GARNL3: variants seen among roughly 807,000 people sequenced by gnomAD.
GARNL3 encodes the protein GTPase-activating Rap/Ran-GAP domain-like protein 3.
GARNL3 carries 63 observed loss-of-function variants against 125.0 expected under a neutral mutation model. That is an observed-to-expected ratio of 0.50 (90% CI 0.41 to 0.62). The LOEUF (loss-of-function observed/expected upper bound fraction) is 0.62, where lower values mean the gene tolerates loss of function less well. Among genes scored for constraint, GARNL3 ranks in the 20% least tolerant of loss-of-function variants. The probability of loss-of-function intolerance (pLI) is 0.00; values close to 1 mark genes in which losing one functional copy is unlikely to be tolerated. For synonymous variants in GARNL3, 439 were observed against 457.5 expected (o/e 0.96, Z 0.52); for missense variants, 994 against 1,244.0 (o/e 0.80, Z 3.02).
In GARNL3 at chr9:127,333,092, C is replaced by T. The variant is rs768627583; in HGVS notation, c.740C>T (p.Thr247Met). 54 of 1,613,828 alleles carry T rather than the reference C, an allele frequency of 3.3e-5. No individual in the cohort carries two copies. The highest frequency in any genetic ancestry group is 4.1e-5 in the Non-Finnish European group (48 of 1,179,848). ...LGDTITLKGW[T>M]GYRGGLDTKN... ...GACACAATCACTCTAAAGGGCTGGA[C>T]GGGCTACCGTGGCGGTCTGGATACC... Residue 247 changes from threonine (T) to methionine (M), a missense_variant, in exon 9 of 28, where the codon ACG (threonine) becomes ATG (methionine). Physicochemically the swap from Thr to Met is moderately conservative, Grantham distance 81 (BLOSUM62 -1). Around this residue, in one of 5 missense-constraint regions of GARNL3, gnomAD observed 71 missense variants for 66.2 expected, o/e 1.07. Coordinates refer to ENST00000373387, the MANE Select transcript of GARNL3 (RefSeq NM_032293.5).
chr9:127,237,612 A>C (rs1009390587), intron 1 of GARNL3, among the ~76,000 whole-genome samples: 7 of 152,350 alleles, frequency 4.6e-5, no homozygotes, highest in Admixed American at 1.3e-4. Flanking sequence ...ATTGATGGAA[A>C]GTTGGTCACA....
chr9:127,293,565 A>T (rs115302502), intron 2 of GARNL3, among the ~76,000 whole-genome samples: 2,672 of 151,740 alleles, frequency 0.018, 73 homozygotes, highest in African/African-American at 0.059. Flanking sequence ...CACTTTTTAT[A>T]GTTTACTGTT....
chr9:127,342,300 C>T lies in GARNL3; in HGVS notation c.1217C>T (p.Ser406Phe). The change falls in exon 14 of 28, where the codon TCT (serine) becomes TTT (phenylalanine). Residue 406 changes from serine to phenylalanine, a missense_variant. Ser to Phe is a radical substitution (Grantham distance 155). Coordinates refer to ENST00000373387, the MANE Select transcript of GARNL3 (RefSeq NM_032293.5). The part of the protein sequence containing the change: ...RRRTLDMLIR[S>F]LHQDLMPDLH... ...CGTACCCTGGATATGTTGATTAGAT[C>T]TTTACACCAGGATTTGATGCCAGAT... 6.2e-7 allele frequency: 1 copy of T among 1,613,396 alleles called. No individual in the cohort carries two copies. The highest frequency in any genetic ancestry group is 8.5e-7 in the Non-Finnish European group (1 of 1,179,338).
At chr9:127,354,146 G>T in intron 18 of GARNL3, 148 bp from the exon 19 acceptor site, 1 of 686,656 alleles carries the variant, frequency 1.5e-6, no homozygotes, top group Non-Finnish European at 2.5e-6. Flanking sequence ...ATACGTAATT[G>T]CATTGTCAGG....
chr9:127,330,200 G>A (rs1377111598), intron 7 of GARNL3, among the ~76,000 whole-genome samples: 1 of 152,216 alleles, frequency 6.6e-6, no homozygotes, highest in Non-Finnish European at 1.5e-5. Flanking sequence ...TGTAGTTCCT[G>A]CACTATTATT....
intron 2 of GARNL3, among the ~76,000 whole-genome samples, chr9:127,248,028 G>A (rs1359713014): frequency 1.3e-5 from 2 of 152,148 alleles, no homozygotes; most frequent in African/African-American, 4.8e-5. Flanking sequence ...GAAAACATGT[G>A]AAGTTTGTAT....
chr9:127,309,092 GC>G (rs1257182123), intron 2 of GARNL3, among the ~76,000 whole-genome samples: 4 of 152,012 alleles, frequency 2.6e-5, no homozygotes, highest in Non-Finnish European at 5.9e-5. Flanking sequence ...TCTGATAAAA[GC>G]AAAATAATAC....
chr9:127,319,288 GC>G (rs1488466340), intron 5 of GARNL3, among the ~76,000 whole-genome samples: 1 of 152,076 alleles, frequency 6.6e-6, no homozygotes, highest in African/African-American at 2.4e-5. Flanking sequence ...TTCGAGACCA[GC>G]CTGGCCAATA....
upstream of GARNL3, among the ~76,000 whole-genome samples, chr9:127,260,719 G>A (rs763716195): frequency 6.6e-6 from 1 of 152,138 alleles, no homozygotes; most frequent in Non-Finnish European, 1.5e-5. Flanking sequence ...AAAAACAAGC[G>A]CTGGGCTGAA....
chr9:127,333,030 A>G lies in GARNL3; in HGVS notation c.678A>G (p.Gly226=), dbSNP rs758904713. 8.1e-6 allele frequency: 13 copies of G among 1,612,572 alleles called. No homozygotes were observed. In the South Asian group the frequency reaches 1.3e-4, roughly 16 times the overall value. The part of the protein sequence containing the change: ...TDDEMFSNEI[G]SEPFQKFLNL... ...CTCTACTTCTTCCTGCAGAAATTGG[A>G]AGCGAGCCTTTTCAAAAATTTTTAA... The change falls in exon 9 of 28, where the codon GGA becomes GGG. Residue 226 remains glycine, a synonymous_variant. Transcript: ENST00000373387.
chr9:127,360,545 A>G (rs1241233143), intron 21 of GARNL3, among the ~76,000 whole-genome samples: 1 of 152,152 alleles, frequency 6.6e-6, no homozygotes, highest in Non-Finnish European at 1.5e-5. Context: ...GAAAAAGATA[A>G]TGAGCTGTAT....
intron 7 of GARNL3, among the ~76,000 whole-genome samples, chr9:127,330,708 G>T (rs1001258627): frequency 6.9e-6 from 1 of 144,556 alleles, no homozygotes; most frequent in Non-Finnish European, 1.5e-5. Flanking sequence ...TTTATATGGG[G>T]AGATCAGGAA....
chr9:127,328,574 A>G (rs1177098832), intron 7 of GARNL3, among the ~76,000 whole-genome samples: 2 of 152,178 alleles, frequency 1.3e-5, no homozygotes, highest in African/African-American at 2.4e-5. Context: ...TGTACTACAC[A>G]TGGAGAGAGG....
intron 4 of GARNL3, among the ~76,000 whole-genome samples, chr9:127,315,425 G>T (rs938174950): frequency 6.6e-6 from 1 of 152,040 alleles, no homozygotes; most frequent in African/African-American, 2.4e-5. Context: ...GCACTTGAGC[G>T]CAGGAGTTCA....
intron 21 of GARNL3, chr9:127,363,868 G>C (rs546555710): frequency 1.3e-5 from 2 of 152,362 alleles, no homozygotes; most frequent in South Asian, 4.1e-4. Context: ...AAAGCCAATA[G>C]CCTTCACTGA....
intron 1 of GARNL3, among the ~76,000 whole-genome samples, chr9:127,231,029 TATATAC>T (rs1215564103): frequency 1.9e-5 from 1 of 51,992 alleles, no homozygotes; most frequent in Non-Finnish European, 3.6e-5. Flanking sequence ...CATATATGTA[TATATAC>T]ATATATATAT....
chr9:127,239,263 T>C (rs1217145204), intron 1 of GARNL3, among the ~76,000 whole-genome samples: 1 of 152,162 alleles, frequency 6.6e-6, no homozygotes, highest in African/African-American at 2.4e-5. Context: ...CTTATCCCTC[T>C]CTTCTTCAGC....
chr9:127,350,069 A>G (rs1252304747), intron 17 of GARNL3, among the ~76,000 whole-genome samples: 10 of 152,114 alleles, frequency 6.6e-5, no homozygotes, highest in Admixed American at 5.9e-4. Context: ...TTCATAATGG[A>G]TCTATTTCTG....
At chr9:127,316,371 GC>G (rs2065240155) in intron 4 of GARNL3, among the ~76,000 whole-genome samples, 1 of 151,948 alleles carries the variant, frequency 6.6e-6, no homozygotes, top group Non-Finnish European at 1.5e-5. Context: ...GTGAGACCCT[GC>G]CTGCTACAAA....
Sources: gnomAD v4.1 joint callset for allele counts (sites outside exome capture counted in the v4.1 genomes callset) on GRCh38, gnomAD v4.1.1 for gene constraint, gnomAD v4.1.1 regional missense constraint, MANE v1.5 for transcripts, NCBI Gene and HGNC (gene_info 2026-07-23, HGNC 2026-07-21) for gene names.